The following MMP28 variants were observed in gnomAD, a reference collection of about 807,000 sequenced individuals.
MMP28 encodes the protein matrix metallopeptidase 28.
Under a neutral mutation model 60.5 loss-of-function variants are expected in MMP28, and 55 were observed. The observed-to-expected ratio is 0.91, with a 90% CI of 0.73 to 1.14. MMP28 has a LOEUF of 1.14. Ranked by LOEUF, MMP28 falls within the 50% of genes most tolerant of loss-of-function variation. The pLI, the probability that MMP28 is intolerant of heterozygous loss-of-function variation, is 0.00. For synonymous variants in MMP28, 318 were observed against 312.5 expected (o/e 1.02, Z -0.18); for missense variants, 686 against 738.3 (o/e 0.93, Z 0.82).
At position 35,779,244 on chromosome 17, in the gene MMP28, C is replaced by T; in HGVS notation, c.191G>A (p.Arg64Lys). 1 of 1,611,242 alleles carries T rather than the reference C, an allele frequency of 6.2e-7. No individual in the cohort carries two copies. The highest frequency in any genetic ancestry group is 1.1e-5 in the South Asian group (1 of 90,316). The change falls in exon 2 of 8, where the codon AGA becomes AAA. Residue 64 changes from arginine (R) to lysine (K), a missense_variant and splice_region_variant. Coordinates refer to ENST00000605424, the MANE Select transcript of MMP28 (RefSeq NM_024302.5). ...PTSTRFSDAIRAFQWVSQLPV... is the reference protein window; with the variant it reads ...PTSTRFSDAIKAFQWVSQLPV... ...AGTCCTCCACATCCCTCCACCCTACCTGATGGCATCGCTGAATCGAGTGGA... is the reference window on the plus strand; with the variant it reads ...AGTCCTCCACATCCCTCCACCCTACTTGATGGCATCGCTGAATCGAGTGGA...
rs959495139 is a variant in MMP28, at chr17:35,773,367, C to T, written c.417G>A (p.Leu139=). ...KWYKQHLSYR[L]VNWPEHLPEP... is the part of the protein sequence containing the mutation. ...CCGGCAGATGCTCAGGCCAGTTCAC[C>T]AGGCGGTAGGAGAGGTGCTGCTTGT... The change falls in exon 4 of 8, where the codon CTG becomes CTA. Residue 139 remains leucine, a synonymous_variant. Transcript: ENST00000605424. 2 of 1,609,916 alleles carry T rather than the reference C, an allele frequency of 1.2e-6. No individual in the cohort carries two copies. The highest frequency in any genetic ancestry group is 1.3e-5 in the African/African-American group (1 of 74,964).
chr17:35,770,774 G>A (rs1381964440), intron 4 of MMP28, among the ~76,000 whole-genome samples: 1 of 152,000 alleles, frequency 6.6e-6, no homozygotes, highest in African/African-American at 2.4e-5. Context: ...ATGCAGCAGG[G>A]TGTGGTAGCT....
chr17:35,762,178 C>CG (rs2085833984), downstream of MMP28, among the ~76,000 whole-genome samples: 1 of 152,090 alleles, frequency 6.6e-6, no homozygotes, highest in African/African-American at 2.4e-5. Context: ...TTAGTAGAGA[C>CG]GGGGTTTCTC....
At chr17:35,757,489 G>A (rs2085752967) in intron 2 of MMP28, 1 of 152,206 alleles carries the variant, frequency 6.6e-6, no homozygotes, top group Non-Finnish European at 1.5e-5. Context: ...GACAAGGAAG[G>A]CAAAGAGGAA....
intron 3 of MMP28, among the ~76,000 whole-genome samples, chr17:35,777,506 GC>G (rs1347037718): frequency 6.6e-5 from 10 of 152,180 alleles, no homozygotes; most frequent in Admixed American, 6.5e-4. Flanking sequence ...AAGGGGAACT[GC>G]CCACAATTTC....
intron 6 of MMP28, 122 bp downstream of exon 6, chr17:35,768,108 G>A (rs916363701): frequency 1.2e-5 from 16 of 1,367,710 alleles, no homozygotes; most frequent in Admixed American, 2.5e-5. Flanking sequence ...TACCTGCAGC[G>A]TGCTTGTGGC....
chr17:35,772,949 C>T (rs2086205454), intron 4 of MMP28, among the ~76,000 whole-genome samples: 2 of 152,202 alleles, frequency 1.3e-5, no homozygotes. Flanking sequence ...TGAGAATTTG[C>T]AAAGCACTTC....
chr17:35,775,862 T>C (rs970434096), intron 3 of MMP28, among the ~76,000 whole-genome samples: 8 of 152,018 alleles, frequency 5.3e-5, no homozygotes, highest in Admixed American at 4.6e-4. Context: ...TGCAATGAGG[T>C]TGCCAGATAA....
intron 4 of MMP28, among the ~76,000 whole-genome samples, chr17:35,771,387 C>T (rs1427916061): frequency 2.8e-5 from 4 of 142,730 alleles, no homozygotes; most frequent in African/African-American, 5.3e-5. Context: ...GCTGAGATCA[C>T]GCCATTGCAC....
chr17:35,790,060 C>CTTTTTT lies in MMP28; in HGVS notation c.111+5201_111+5206dup, dbSNP rs56405134. 1.9e-4 allele frequency among the ~76,000 whole-genome samples: 13 copies of CTTTTTT among 66,938 alleles called. 2 individuals are homozygous for CTTTTTT. The highest frequency in any genetic ancestry group is 6.2e-4 in the Admixed American group (3 of 4,866). 43.9% of individuals were successfully genotyped at this position (66,938 alleles called of 152,430 possible). A position where few individuals can be genotyped will look rare whatever the true frequency, so the allele number is the denominator to read the frequency against. On this transcript the variant is annotated intron_variant, in intron 1 of 7. Coordinates refer to ENST00000605424, the MANE Select transcript of MMP28 (RefSeq NM_024302.5). The stretch of plus-strand genomic sequence containing the variant: ...TACAAGCATGAGCCACCGCACCTGG[C>CTTTTTT]TTTTTTTTTTTTTTTTTTTTTTTTG...
downstream of MMP28, chr17:35,764,678 A>T: frequency 1.3e-6 from 2 of 1,488,704 alleles, no homozygotes; most frequent in Non-Finnish European, 1.8e-6. Flanking sequence ...CCCCCTACCG[A>T]CCTTCTCTCT....
chr17:35,785,905 C>T (rs532313804), intron 1 of MMP28, among the ~76,000 whole-genome samples: 3 of 152,322 alleles, frequency 2.0e-5, no homozygotes, highest in Non-Finnish European at 4.4e-5. Context: ...TTTTACCTTT[C>T]TCGCAGGAGC....
chr17:35,764,595 G>A, downstream of MMP28: 1 of 1,588,236 alleles, frequency 6.3e-7, no homozygotes, highest in Non-Finnish European at 8.5e-7. Context: ...TCTGGGTAAG[G>A]CGGGGGCCGC....
At position 35,787,938 on chromosome 17, in the gene MMP28, C is replaced by T. The variant is rs568583160; in HGVS notation, c.111+7329G>A. On this transcript the variant is annotated intron_variant, in intron 1 of 7. Coordinates refer to ENST00000605424, the MANE Select transcript of MMP28 (RefSeq NM_024302.5). ...TTTTTTTTTTTGAGATACGGTCTTGCTCGTCGCCCTGGCTGAAATGCAGTG... is the reference window on the plus strand; with the variant it reads ...TTTTTTTTTTTGAGATACGGTCTTGTTCGTCGCCCTGGCTGAAATGCAGTG... 8.0e-5 allele frequency among the ~76,000 whole-genome samples: 10 copies of T among 124,410 alleles called. 1 individual carries two copies. In the East Asian group the frequency reaches 1.8e-3, roughly 23 times the overall value. 81.6% of individuals were successfully genotyped at this position (124,410 alleles called of 152,430 possible).
At chr17:35,792,460 T>G (rs1029087633) in intron 1 of MMP28, among the ~76,000 whole-genome samples, 3 of 152,066 alleles carry the variant, frequency 2.0e-5, no homozygotes, top group African/African-American at 7.2e-5. Context: ...TAAACACACT[T>G]CAGATGATGC....
rs1046949025 is a variant in MMP28, at chr17:35,795,456, C to G, written c.-79G>C. 1.1e-5 allele frequency: 12 copies of G among 1,092,996 alleles called. No individual in the cohort carries two copies. The highest frequency in any genetic ancestry group is 6.1e-6 in the Non-Finnish European group (5 of 824,646). 67.7% of individuals were successfully genotyped at this position (1,092,996 alleles called of 1,614,324 possible). ...GCCGGCAGTCAGCCGCGCCCGGGAC[C>G]CCGGGGATGGGACTGCTCTGCGCCG... On this transcript the variant is annotated 5_prime_UTR_variant, in exon 1 of 8. Transcript: ENST00000605424.
intron 1 of MMP28, among the ~76,000 whole-genome samples, chr17:35,786,699 CAAAAAAA>C (rs200165337): frequency 1.4e-5 from 1 of 71,068 alleles, no homozygotes; most frequent in Non-Finnish European, 2.8e-5. Flanking sequence ...CCTGTCTCTA[CAAAAAAA>C]AAAAAAAAAG....
intron 7 of MMP28, among the ~76,000 whole-genome samples, chr17:35,767,328 T>C (rs2085978032): frequency 6.6e-6 from 1 of 152,212 alleles, no homozygotes; most frequent in Non-Finnish European, 1.5e-5. Flanking sequence ...TCTAGTAAGA[T>C]ATTGCACACT....
intron 1 of MMP28, among the ~76,000 whole-genome samples, chr17:35,788,025 C>T (rs764046744): frequency 2.0e-5 from 3 of 151,566 alleles, no homozygotes; most frequent in Non-Finnish European, 4.4e-5. Context: ...TGTACCTCAG[C>T]CTCCTGAGTA....
Sources: allele counts gnomAD v4.1 joint callset (sites outside exome capture counted in the v4.1 genomes callset), GRCh38; gene constraint gnomAD v4.1.1; transcripts MANE v1.5; gene names NCBI Gene and HGNC (gene_info 2026-07-23, HGNC 2026-07-21).